Variants in PTPN14 observed in about 807,000 individuals in gnomAD.
PTPN14 encodes tyrosine-protein phosphatase non-receptor type 14.
Under a neutral mutation model 126.8 loss-of-function variants are expected in PTPN14, and 53 were observed. The observed-to-expected ratio is 0.42, with a 90% CI of 0.34 to 0.53. The LOEUF (loss-of-function observed/expected upper bound fraction) is 0.53, where lower values mean the gene tolerates loss of function less well. Ranked by LOEUF, PTPN14 falls within the 20% of genes least tolerant of loss-of-function variation. The pLI is 0.08. For synonymous variants in PTPN14, 630 were observed against 599.3 expected (o/e 1.05, Z -0.75); for missense variants, 1,257 against 1,552.9 (o/e 0.81, Z 3.20).
At chr1:214,437,458 C>T (rs1659945626) in intron 3 of PTPN14, among the ~76,000 whole-genome samples, 1 of 151,988 alleles carries the variant, frequency 6.6e-6, no homozygotes. Context: ...GCACAAAAGG[C>T]TAAATTCTTA....
chr1:214,414,692 G>T lies in PTPN14; in HGVS notation c.379C>A (p.Leu127Ile). 6.2e-7 allele frequency: 1 copy of T among 1,614,044 alleles called. No individual in the cohort carries two copies. Among genetic ancestry groups the T allele is most frequent in the Non-Finnish European group, 8.5e-7 (1 of 1,179,930 alleles). ...QYYLQVKKDVLEGRLRCTLDQ... is the reference protein window; with the variant it reads ...QYYLQVKKDVIEGRLRCTLDQ... ...AATGTACATCGTAATCGCCCTTCAAGCACATCTTTTTTGACTTGCAGGTAA... is the reference window on the plus strand; with the variant it reads ...AATGTACATCGTAATCGCCCTTCAATCACATCTTTTTTGACTTGCAGGTAA... The change falls in exon 4 of 19, where the codon CTT becomes ATT. Residue 127 changes from leucine to isoleucine, a missense_variant. Physicochemically the swap from Leu to Ile is conservative, Grantham distance 5. This residue lies in a region of PTPN14 where 1,021 missense variants were observed against 1,183.3 expected (regional missense o/e 0.86). Transcript: ENST00000366956.
rs538884224 is a variant in PTPN14, at chr1:214,354,979, G to A, written c.*2943C>T. 4.6e-5 allele frequency: 7 copies of A among 152,160 alleles called. No homozygotes were observed. Among genetic ancestry groups the A allele is most frequent in the South Asian group, 2.1e-4 (1 of 4,832 alleles). 9.4% of individuals were successfully genotyped at this position (152,160 alleles called of 1,614,324 possible). A position where few individuals can be genotyped will look rare whatever the true frequency, so the allele number is the denominator to read the frequency against. On this transcript the variant is annotated 3_prime_UTR_variant, in exon 19 of 19. Coordinates refer to ENST00000366956, the MANE Select transcript of PTPN14 (RefSeq NM_005401.5). The stretch of plus-strand genomic sequence containing the variant: ...GGGCAATTATTATGCAGATGCCACC[G>A]AAAGGACTTTAAATGGCTGCTGCTA...
intron 1 of PTPN14, among the ~76,000 whole-genome samples, chr1:214,504,658 A>G (rs1654788389): frequency 6.6e-6 from 1 of 152,158 alleles, no homozygotes. Context: ...AATTATTTCC[A>G]AGGCACCACC....
At chr1:214,443,920 T>C (rs773286306) in intron 3 of PTPN14, among the ~76,000 whole-genome samples, 7 of 152,124 alleles carry the variant, frequency 4.6e-5, no homozygotes, top group Non-Finnish European at 1.0e-4. Context: ...CAAATAAACT[T>C]CTAGTAAATC....
intron 1 of PTPN14, among the ~76,000 whole-genome samples, chr1:214,466,695 T>C (rs1660646872): frequency 6.6e-6 from 1 of 152,198 alleles, no homozygotes; most frequent in South Asian, 2.1e-4. Context: ...CTCTTGCTCA[T>C]CTGATTGTTT....
At chr1:214,397,104 G>C (rs1221820541) in intron 8 of PTPN14, among the ~76,000 whole-genome samples, 1 of 152,104 alleles carries the variant, frequency 6.6e-6, no homozygotes, top group Admixed American at 6.5e-5. Context: ...GGAAGCTTTT[G>C]GTTAGAAAAC....
At chr1:214,393,924 C>G in intron 9 of PTPN14, 147 bp from the exon 10 acceptor site, 2 of 674,734 alleles carry the variant, frequency 3.0e-6, no homozygotes, top group Non-Finnish European at 5.1e-6. Flanking sequence ...GTAAACCAGC[C>G]TGCTGAATTT....
At position 214,500,688 on chromosome 1, in the gene PTPN14, C is replaced by T. The variant is rs144827069; in HGVS notation, c.-154-35731G>A. On this transcript the variant is annotated intron_variant, in intron 1 of 18. Transcript: ENST00000366956. The stretch of plus-strand genomic sequence containing the variant: ...TTTTAACCGATATAAGGCACCTTGG[C>T]TCTCACAGAAGGGGAAAAGGGGATA... Among the ~76,000 whole-genome samples, 1,399 of 152,202 alleles carry T rather than the reference C, an allele frequency of 9.2e-3. 17 individuals are homozygous for T. The highest frequency in any genetic ancestry group is 0.032 in the African/African-American group (1,321 of 41,530).
At chr1:214,546,305 G>A (rs146095400) in intron 1 of PTPN14, among the ~76,000 whole-genome samples, 1 of 152,370 alleles carries the variant, frequency 6.6e-6, no homozygotes, top group Admixed American at 6.5e-5. Flanking sequence ...CTCACTGGAG[G>A]TTGACAATCT....
At chr1:214,369,348 G>T in intron 17 of PTPN14, 109 bp downstream of exon 17, 3 of 968,380 alleles carry the variant, frequency 3.1e-6, no homozygotes, top group Non-Finnish European at 4.8e-6. Context: ...TAATACTTTT[G>T]CCACTTAAGA....
Position 214,369,501 on chromosome 1 carries a change from T to C in PTPN14, c.3227A>G (p.Asp1076Gly). ...ERTVWHLQYT[D>G]WPDHGCPEDV... ...TTCTGGACAGCCGTGATCTGGCCAGTCAGTATATTGTAAATGCCACACCGT... is the reference window on the plus strand; with the variant it reads ...TTCTGGACAGCCGTGATCTGGCCAGCCAGTATATTGTAAATGCCACACCGT... The change falls in exon 17 of 19, where the codon GAC (aspartate) becomes GGC (glycine). Residue 1076 changes from aspartate (D) to glycine (G), a missense_variant. By Grantham distance (94) the Asp-to-Gly change is moderately conservative (BLOSUM62 -1). This residue lies in a region of PTPN14 where 171 missense variants were observed against 229.8 expected (regional missense o/e 0.74). Coordinates refer to ENST00000366956, the MANE Select transcript of PTPN14 (RefSeq NM_005401.5). The C allele has an allele frequency of 6.2e-7, 1 of 1,614,090 alleles. No individual in the cohort carries two copies. The highest frequency in any genetic ancestry group is 8.5e-7 in the Non-Finnish European group (1 of 1,180,028).
At chr1:214,470,250 C>T (rs61819616) in intron 1 of PTPN14, among the ~76,000 whole-genome samples, 13,760 of 152,118 alleles carry the variant, frequency 0.09, 627 homozygotes, top group South Asian at 0.12. Context: ...AATCATGCCA[C>T]TGCACTCCAG....
At chr1:214,501,784 G>A (rs1654705877) in intron 1 of PTPN14, among the ~76,000 whole-genome samples, 1 of 152,130 alleles carries the variant, frequency 6.6e-6, no homozygotes, top group African/African-American at 2.4e-5. Flanking sequence ...TTTAGGCCAG[G>A]TGCAGTGGCT....
chr1:214,458,542 C>G (rs2102643738), intron 2 of PTPN14, among the ~76,000 whole-genome samples: 1 of 152,270 alleles, frequency 6.6e-6, no homozygotes, highest in East Asian at 1.9e-4. Context: ...CTCTCTGAAT[C>G]CTCCCAACAA....
intron 1 of PTPN14, among the ~76,000 whole-genome samples, chr1:214,503,104 T>C (rs1654747043): frequency 6.6e-6 from 1 of 152,204 alleles, no homozygotes; most frequent in Non-Finnish European, 1.5e-5. Flanking sequence ...TATACTAGCA[T>C]ACACTTGGAG....
intron 1 of PTPN14, among the ~76,000 whole-genome samples, chr1:214,468,825 T>TTA (rs1660695269): frequency 1.3e-5 from 2 of 152,212 alleles, no homozygotes; most frequent in Non-Finnish European, 2.9e-5. Flanking sequence ...CCTCTTTCTA[T>TTA]GGACTTCTCT....
At chr1:214,407,029 G>C (rs930174277) in intron 5 of PTPN14, among the ~76,000 whole-genome samples, 1 of 152,148 alleles carries the variant, frequency 6.6e-6, no homozygotes, top group Non-Finnish European at 1.5e-5. Context: ...CACCAAGCAC[G>C]CTGGGAAACA....
rs547150844 is a variant in PTPN14, at chr1:214,497,208, A to G, written c.-154-32251T>C. ...TATGTAACAGACAAAAAAAGTTAGTATCAAAGAAATCTCAATAATCGATCA... is the reference window on the plus strand; with the variant it reads ...TATGTAACAGACAAAAAAAGTTAGTGTCAAAGAAATCTCAATAATCGATCA... On this transcript the variant is annotated intron_variant, in intron 1 of 18. Transcript: ENST00000366956. 6.6e-5 allele frequency among the ~76,000 whole-genome samples: 10 copies of G among 152,328 alleles called. No homozygotes were observed. The South Asian group carries it at 1.2e-3, about 19-fold the overall frequency.
At chr1:214,390,124 C>T (rs1372133774) in intron 11 of PTPN14, among the ~76,000 whole-genome samples, 1 of 152,170 alleles carries the variant, frequency 6.6e-6, no homozygotes, top group Non-Finnish European at 1.5e-5. Flanking sequence ...CAATTGCATT[C>T]TATCAGCTTG....
Sources: allele counts gnomAD v4.1 joint callset (sites outside exome capture counted in the v4.1 genomes callset), GRCh38; gene constraint gnomAD v4.1.1; regional missense constraint gnomAD v4.1.1; transcripts MANE v1.5; gene names NCBI Gene and HGNC (gene_info 2026-07-23, HGNC 2026-07-21).